The following SNX29 variants were observed in gnomAD, a reference collection of about 807,000 sequenced individuals.
SNX29 encodes the protein sorting nexin-29.
A neutral mutation model predicts 102.1 loss-of-function variants in SNX29; 78 were observed. That is an observed-to-expected ratio of 0.76 (90% confidence interval 0.64 to 0.92). The LOEUF (loss-of-function observed/expected upper bound fraction) is 0.92, where lower values mean the gene tolerates loss of function less well. Ranked by LOEUF, SNX29 falls within the 40% of genes least tolerant of loss-of-function variation. The pLI is 0.00. For synonymous variants in SNX29, 580 were observed against 414.5 expected (o/e 1.40, Z -4.85); for missense variants, 1,280 against 1,061.7 (o/e 1.21, Z -2.86).
intron 18 of SNX29, among the ~76,000 whole-genome samples, chr16:12,409,629 C>A (rs2084314273): frequency 6.6e-6 from 1 of 151,954 alleles, no homozygotes; most frequent in African/African-American, 2.4e-5. Context: ...CGGTGTTTCA[C>A]CGTGTTAGCC....
At chr16:11,989,989 T>G (rs16958825) in intron 1 of SNX29, among the ~76,000 whole-genome samples, 25,053 of 152,194 alleles carry the variant, frequency 0.16, 3,791 homozygotes, top group African/African-American at 0.41. Context: ...GAGGTTGAAG[T>G]GTACAAGGTT....
intron 15 of SNX29, among the ~76,000 whole-genome samples, chr16:12,323,446 C>G (rs919159671): frequency 6.6e-6 from 1 of 151,220 alleles, no homozygotes; most frequent in African/African-American, 2.4e-5. Flanking sequence ...AAAATAACTT[C>G]AAAAGTACCA....
intron 20 of SNX29, among the ~76,000 whole-genome samples, chr16:12,565,075 G>A (rs957445946): frequency 4.6e-5 from 7 of 152,136 alleles, no homozygotes; most frequent in African/African-American, 1.7e-4. Flanking sequence ...GGGCCCAGTG[G>A]GGACACATGG....
intron 13 of SNX29, among the ~76,000 whole-genome samples, chr16:12,134,373 G>A (rs1398139284): frequency 6.6e-6 from 1 of 152,202 alleles, no homozygotes; most frequent in Admixed American, 6.5e-5. Context: ...CTTAGCCAGG[G>A]CATCAGGGTC....
intron 13 of SNX29, among the ~76,000 whole-genome samples, chr16:12,152,110 A>G (rs527799210): frequency 6.6e-6 from 1 of 152,162 alleles, no homozygotes; most frequent in African/African-American, 2.4e-5. Flanking sequence ...AGTCACGGCT[A>G]CTTTGGAGGC....
chr16:12,240,952 A>G (rs1229566667), intron 14 of SNX29, among the ~76,000 whole-genome samples: 1 of 152,090 alleles, frequency 6.6e-6, no homozygotes, highest in African/African-American at 2.4e-5. Flanking sequence ...CTTTTTCTGC[A>G]TAATTATTTT....
chr16:12,552,777 G>A (rs1014546335), intron 20 of SNX29, among the ~76,000 whole-genome samples: 3 of 152,214 alleles, frequency 2.0e-5, no homozygotes, highest in East Asian at 3.8e-4. Flanking sequence ...ATTCATCTCA[G>A]CTCTGGGCTT....
intron 20 of SNX29, 45 bp from the exon 21 acceptor site, chr16:12,568,461 C>T (rs758635222): frequency 1.2e-6 from 2 of 1,602,996 alleles, no homozygotes; most frequent in Middle Eastern, 1.7e-4. Flanking sequence ...TGGTCATTTG[C>T]TTTTCATCCC....
chr16:12,183,506 GTA>G, intron 13 of SNX29, among the ~76,000 whole-genome samples: 1 of 152,242 alleles, frequency 6.6e-6, no homozygotes, highest in South Asian at 2.1e-4. Context: ...ATGTATGTGT[GTA>G]TGTAAATATA....
chr16:12,095,974 A>T (rs551603584), intron 11 of SNX29, among the ~76,000 whole-genome samples: 66 of 152,362 alleles, frequency 4.3e-4, no homozygotes, highest in Admixed American at 1.2e-3. Flanking sequence ...CGGCAGCTCC[A>T]GAAATGAAGT....
chr16:12,537,056 T>C (rs2077109026), intron 20 of SNX29, among the ~76,000 whole-genome samples: 1 of 152,156 alleles, frequency 6.6e-6, no homozygotes, highest in Non-Finnish European at 1.5e-5. Flanking sequence ...ACTGAGCATA[T>C]TTAGGAGACG....
At chr16:12,565,268 C>T (rs928177348) in intron 20 of SNX29, among the ~76,000 whole-genome samples, 2 of 152,194 alleles carry the variant, frequency 1.3e-5, no homozygotes, top group East Asian at 1.9e-4. Context: ...GCAAGAGGTT[C>T]AGCCTCACAT....
At chr16:12,275,811 A>G (rs1439943864) in intron 14 of SNX29, among the ~76,000 whole-genome samples, 1 of 150,716 alleles carries the variant, frequency 6.6e-6, no homozygotes, top group East Asian at 1.9e-4. Flanking sequence ...TGATAGATGT[A>G]TACAAAATTT....
At chr16:12,161,315 G>C (rs968362149) in intron 13 of SNX29, among the ~76,000 whole-genome samples, 1 of 152,170 alleles carries the variant, frequency 6.6e-6, no homozygotes, top group Non-Finnish European at 1.5e-5. Context: ...GCAGCTTGGT[G>C]GACTCCATCA....
intron 16 of SNX29, among the ~76,000 whole-genome samples, chr16:12,395,955 A>T (rs1276990608): frequency 2.0e-5 from 3 of 152,210 alleles, no homozygotes; most frequent in Non-Finnish European, 4.4e-5. Context: ...TGGCCTTGTT[A>T]TCAAGTTATG....
At chr16:12,340,142 T>C (rs1038603703) in intron 15 of SNX29, among the ~76,000 whole-genome samples, 5 of 152,260 alleles carry the variant, frequency 3.3e-5, no homozygotes, top group Admixed American at 1.3e-4. Context: ...AATTGTTTTC[T>C]TTTTCATCTT....
chr16:12,324,740 A>G (rs962869861), intron 15 of SNX29, among the ~76,000 whole-genome samples: 8 of 152,218 alleles, frequency 5.3e-5, no homozygotes, highest in South Asian at 2.1e-4. Flanking sequence ...GATGATAAAC[A>G]GTGCCATGAA....
At chr16:12,022,401 A>T (rs1250323461) in intron 3 of SNX29, among the ~76,000 whole-genome samples, 1 of 152,020 alleles carries the variant, frequency 6.6e-6, no homozygotes, top group African/African-American at 2.4e-5. Flanking sequence ...GAGTTTTGCC[A>T]TGTTGGCCAG....
chr16:12,493,006 G>A (rs1373897998), intron 19 of SNX29, among the ~76,000 whole-genome samples: 1 of 152,188 alleles, frequency 6.6e-6, no homozygotes, highest in Non-Finnish European at 1.5e-5. Context: ...GATTGACTTG[G>A]CAATGCGGGC....
Sources: allele counts gnomAD v4.1 joint callset (sites outside exome capture counted in the v4.1 genomes callset), GRCh38; gene constraint gnomAD v4.1.1; transcripts MANE v1.5; gene names NCBI Gene and HGNC (gene_info 2026-07-23, HGNC 2026-07-21).